The following NKIRAS1 variants were observed in gnomAD, a reference collection of about 807,000 sequenced individuals.
The protein encoded by NKIRAS1 is NF-kappa-B inhibitor-interacting Ras-like protein 1.
Under a neutral mutation model 19.8 loss-of-function variants are expected in NKIRAS1, and 16 were observed. The ratio of observed to expected loss-of-function variants is 0.81; its 90% CI spans 0.55 to 1.23. NKIRAS1 has a LOEUF of 1.23. Among genes scored for constraint, NKIRAS1 ranks in the 50% most tolerant of loss-of-function variants. The probability of loss-of-function intolerance (pLI) is 0.00; values close to 1 mark genes in which losing one functional copy is unlikely to be tolerated. For missense variants in NKIRAS1, 184 were observed against 220.0 expected (o/e 0.84, Z 1.04); for synonymous variants, 88 against 79.0 (o/e 1.11, Z -0.61).
intron 1 of NKIRAS1, among the ~76,000 whole-genome samples, chr3:23,936,515 T>G (rs1705395361): frequency 6.6e-6 from 1 of 152,118 alleles, no homozygotes; most frequent in Non-Finnish European, 1.5e-5. Flanking sequence ...TCTGATTCAT[T>G]AAATCTGAGG....
rs372666929 is a variant in NKIRAS1 at position 23,896,851 on chromosome 3, C to G, written c.337-3514G>C. Among the ~76,000 whole-genome samples the G allele has an allele frequency of 5.3e-5, 8 of 151,564 alleles. No homozygotes were observed. In the South Asian group the frequency reaches 1.5e-3, roughly 28 times the overall value. ...AATCTGGGTACTGATATGGAAACAA[C>G]TCCAAGATATGTTACATGAAAAACA... On this transcript the variant is annotated intron_variant, in intron 4 of 4. Transcript: ENST00000425478.
chr3:23,928,868 G>T (rs971096228), intron 1 of NKIRAS1, among the ~76,000 whole-genome samples: 5 of 151,676 alleles, frequency 3.3e-5, no homozygotes, highest in African/African-American at 1.2e-4. Context: ...GGTGTGCGCT[G>T]AGCCTGTAGT....
Position 23,890,244 on chromosome 3 carries a change from T to C in NKIRAS1, c.*2851A>G, listed in dbSNP as rs1043480637. ...ACACATAAGAGTAAAGAAACTCCAA[T>C]TGAGTGTTGTTTGTTGGGAGAAAAA... On this transcript the variant is annotated 3_prime_UTR_variant, in exon 5 of 5. Coordinates refer to ENST00000425478, the MANE Select transcript of NKIRAS1 (RefSeq NM_020345.4). Among the ~76,000 whole-genome samples, 2 of 152,056 alleles carry C rather than the reference T, an allele frequency of 1.3e-5. No individual in the cohort carries two copies. The highest frequency in any genetic ancestry group is 1.9e-4 in the East Asian group (1 of 5,202).
chr3:23,919,322 C>A (rs1340337879), upstream of NKIRAS1: 1 of 1,603,846 alleles, frequency 6.2e-7, no homozygotes, highest in South Asian at 1.1e-5. Context: ...CAGAAGAAAT[C>A]CTGACACCCA....
chr3:23,910,663 C>T (rs1466471413), intron 3 of NKIRAS1, 148 bp downstream of exon 3: 3 of 625,002 alleles, frequency 4.8e-6, no homozygotes, highest in Non-Finnish European at 8.5e-6. Context: ...TTTTTCCCTC[C>T]TCTTTTCTTA....
intron 1 of NKIRAS1, among the ~76,000 whole-genome samples, chr3:23,915,121 C>T (rs1435412563): frequency 3.9e-5 from 6 of 152,142 alleles, no homozygotes; most frequent in Admixed American, 6.5e-5. Flanking sequence ...TTAAGAACTT[C>T]CATACGAAGA....
At chr3:23,940,167 CCAAAAAAAAAAAAA>C (rs1245704369) in intron 1 of NKIRAS1, among the ~76,000 whole-genome samples, 3 of 28,924 alleles carry the variant, frequency 1.0e-4, no homozygotes, top group Non-Finnish European at 2.3e-4. Flanking sequence ...CCCATCTCTA[CCAAAAAAAAAAAAA>C]AAAAAAAAAA....
At chr3:23,935,558 A>G (rs1228019908) in intron 1 of NKIRAS1, among the ~76,000 whole-genome samples, 1 of 152,104 alleles carries the variant, frequency 6.6e-6, no homozygotes, top group Non-Finnish European at 1.5e-5. Context: ...AGGAACTGGC[A>G]CTATAGGCAC....
chr3:23,945,755 C>T (rs1214535593), intron 1 of NKIRAS1, among the ~76,000 whole-genome samples: 5 of 150,440 alleles, frequency 3.3e-5, no homozygotes, highest in Admixed American at 6.6e-5. Context: ...CCATCGCCCC[C>T]CGGGCCGCCC....
At chr3:23,899,447 T>C (rs566935660) in intron 4 of NKIRAS1, among the ~76,000 whole-genome samples, 1 of 152,360 alleles carries the variant, frequency 6.6e-6, no homozygotes, top group East Asian at 1.9e-4. Context: ...GTACTTTTTG[T>C]TGTTGCTGTT....
intron 1 of NKIRAS1, among the ~76,000 whole-genome samples, chr3:23,936,032 A>G (rs1177150248): frequency 1.4e-5 from 2 of 145,130 alleles, no homozygotes; most frequent in Non-Finnish European, 3.0e-5. Context: ...GCAGTGAGCT[A>G]TAATCACGCC....
chr3:23,900,370 C>CA (rs1239078934), intron 4 of NKIRAS1, among the ~76,000 whole-genome samples: 1 of 152,054 alleles, frequency 6.6e-6, no homozygotes, highest in Non-Finnish European at 1.5e-5. Flanking sequence ...CAGAGCGGCT[C>CA]ACACGTGTAA....
chr3:23,936,265 T>G (rs1705392144), intron 1 of NKIRAS1, among the ~76,000 whole-genome samples: 1 of 152,118 alleles, frequency 6.6e-6, no homozygotes, highest in Non-Finnish European at 1.5e-5. Context: ...TAAAATTCTA[T>G]CCTGTCATAT....
intron 1 of NKIRAS1, among the ~76,000 whole-genome samples, chr3:23,932,637 G>C (rs561217343): frequency 6.7e-6 from 1 of 148,948 alleles, no homozygotes; most frequent in Non-Finnish European, 1.5e-5. Flanking sequence ...GTGGTGAGCC[G>C]AGATGGCGCC....
At chr3:23,945,548 G>A (rs1705635178) in intron 1 of NKIRAS1, 2 of 1,149,332 alleles carry the variant, frequency 1.7e-6, no homozygotes, top group Non-Finnish European at 2.2e-6. Flanking sequence ...TGCGGGAAGC[G>A]GGCGGCCCCG....
At chr3:23,911,920 G>A (rs1220099270) in intron 1 of NKIRAS1, among the ~76,000 whole-genome samples, 1 of 151,986 alleles carries the variant, frequency 6.6e-6, no homozygotes, top group Non-Finnish European at 1.5e-5. Context: ...CTGCCACCAT[G>A]CCCGGTGAAA....
At chr3:23,910,967 T>C (rs1703638955) in intron 2 of NKIRAS1, 46 bp from the exon 3 acceptor site, 13 of 1,364,520 alleles carry the variant, frequency 9.5e-6, no homozygotes, top group Non-Finnish European at 1.4e-5. Flanking sequence ...CTGTTGAAAT[T>C]AACCATTTCT....
rs564941271 is a variant in NKIRAS1 at position 23,896,313 on chromosome 3, C to A, written c.337-2976G>T. On this transcript the variant is annotated intron_variant, in intron 4 of 4. Transcript: ENST00000425478. The stretch of plus-strand genomic sequence containing the variant: ...TCTCCCATTAGCATACAAACACAAT[C>A]TTATCTAAATAAAACAAACGGCCGG... 2.7e-5 allele frequency among the ~76,000 whole-genome samples: 4 copies of A among 150,356 alleles called. No individual in the cohort carries two copies. The East Asian group carries it at 8.1e-4, about 30-fold the overall frequency.
chr3:23,942,039 C>T (rs1452917202), intron 1 of NKIRAS1, among the ~76,000 whole-genome samples: 1 of 151,872 alleles, frequency 6.6e-6, no homozygotes, highest in African/African-American at 2.4e-5. Context: ...AGTGCAGTGG[C>T]ATGATCTCAG....
Sources: allele counts gnomAD v4.1 joint callset (sites outside exome capture counted in the v4.1 genomes callset), GRCh38; gene constraint gnomAD v4.1.1; transcripts MANE v1.5; gene names NCBI Gene and HGNC (gene_info 2026-07-23, HGNC 2026-07-21).